CSMD1: variants seen among roughly 807,000 people sequenced by gnomAD.
The protein encoded by CSMD1 is CUB and Sushi multiple domains 1.
Under a neutral mutation model 417.5 loss-of-function variants are expected in CSMD1, and 213 were observed. The ratio of observed to expected loss-of-function variants is 0.51; its 90% CI spans 0.46 to 0.57. The LOEUF (loss-of-function observed/expected upper bound fraction) is 0.57, where lower values mean the gene tolerates loss of function less well. Among genes scored for constraint, CSMD1 ranks in the 20% least tolerant of loss-of-function variants. The pLI is 0.00. For synonymous variants in CSMD1, 2,862 were observed against 1,736.8 expected, an observed-to-expected ratio of 1.65 and a Z score of -16.11; for missense variants, 6,923 against 4,529.7, an observed-to-expected ratio of 1.53 and a Z score of -15.17.
At chr8:3,792,606 A>G (rs1378807185) in intron 5 of CSMD1, among the ~76,000 whole-genome samples, 1 of 152,104 alleles carries the variant, frequency 6.6e-6, no homozygotes, top group African/African-American at 2.4e-5. Context: ...TCTTCCTTTC[A>G]CCCTCAGACA....
Position 2,962,587 on chromosome 8 carries a change from T to A in CSMD1, c.9507A>T (p.Lys3169Asn), listed in dbSNP as rs755362887. ...AGACTTCGGACTTATAGGTGAAACT[T>A]TTCCCACTAAGTCGCCCTTCTGCGG... ...GIPAEGRLSG[K>N]SFTYKSEVFF... The change falls in exon 61 of 70, where the codon AAA becomes AAT. Residue 3169 changes from lysine (K) to asparagine (N), a missense_variant. Lys to Asn is a moderately conservative substitution (Grantham distance 94, BLOSUM62 0). Transcript: ENST00000635120. The A allele has an allele frequency of 6.2e-7, 1 of 1,613,890 alleles. No individual in the cohort carries two copies. The highest frequency in any genetic ancestry group is 8.5e-7 in the Non-Finnish European group (1 of 1,179,836).
At chr8:3,926,084 C>CACACACACACACACACACAAACACCAT (rs1809669242) in intron 5 of CSMD1, among the ~76,000 whole-genome samples, 2 of 9,678 alleles carry the variant, frequency 2.1e-4, no homozygotes, top group Non-Finnish European at 3.7e-4. Flanking sequence ...AAACACCATA[C>CACACACACACACACACACAAACACCAT]ACACACACAC....
At chr8:3,526,856 A>T (rs185869489) in intron 10 of CSMD1, among the ~76,000 whole-genome samples, 12 of 152,148 alleles carry the variant, frequency 7.9e-5, no homozygotes, top group Non-Finnish European at 1.6e-4. Flanking sequence ...TTACCCAATC[A>T]TCATTTTCTT....
intron 1 of CSMD1, among the ~76,000 whole-genome samples, chr8:4,966,781 A>G (rs1809889909): frequency 6.6e-6 from 1 of 152,222 alleles, no homozygotes; most frequent in Non-Finnish European, 1.5e-5. Context: ...TAACTCAGAT[A>G]TACTCGAACT....
rs576083622 is a variant in CSMD1 at position 4,021,346 on chromosome 8, G to A, written c.610+10559C>T. Among the ~76,000 whole-genome samples the A allele has an allele frequency of 3.3e-5, 5 of 152,318 alleles. No individual in the cohort carries two copies. In the South Asian group the frequency reaches 8.3e-4, roughly 25 times the overall value. On this transcript the variant is annotated intron_variant, in intron 4 of 69. Coordinates refer to ENST00000635120, the MANE Select transcript of CSMD1 (RefSeq NM_033225.6). Reference sequence around the variant, plus strand: ...TTAAAGTTTATTTCACTTGTTTCATGTCACATTTTCCGTGTCGCATCTGGG... The same window carrying A: ...TTAAAGTTTATTTCACTTGTTTCATATCACATTTTCCGTGTCGCATCTGGG...
intron 11 of CSMD1, 100 bp downstream of exon 11, chr8:3,493,523 A>C: frequency 1.0e-6 from 1 of 964,422 alleles, no homozygotes; most frequent in South Asian, 1.6e-5. Flanking sequence ...CTAAGCAAAC[A>C]CCTGAGGCCG....
At chr8:3,202,611 T>C (rs1797047883) in intron 31 of CSMD1, among the ~76,000 whole-genome samples, 1 of 152,232 alleles carries the variant, frequency 6.6e-6, no homozygotes, top group African/African-American at 2.4e-5. Flanking sequence ...TCTTATTTAT[T>C]GTAAGATTTG....
intron 1 of CSMD1, among the ~76,000 whole-genome samples, chr8:4,872,624 A>G (rs1476705555): frequency 6.6e-6 from 1 of 152,122 alleles, no homozygotes; most frequent in East Asian, 1.9e-4. Context: ...AGTTCTTTAC[A>G]GTGGTATGAA....
At chr8:3,744,966 C>G (rs541598191) in intron 6 of CSMD1, among the ~76,000 whole-genome samples, 2 of 152,098 alleles carry the variant, frequency 1.3e-5, no homozygotes, top group South Asian at 4.1e-4. Context: ...GGGCTGAGGC[C>G]TTTTGTAGTA....
intron 5 of CSMD1, among the ~76,000 whole-genome samples, chr8:3,829,442 G>A (rs373344988): frequency 6.6e-6 from 1 of 152,136 alleles, no homozygotes; most frequent in East Asian, 1.9e-4. Context: ...GGTTCCACAT[G>A]AATTCAGGTT....
At chr8:4,769,093 G>C (rs920296861) in intron 1 of CSMD1, among the ~76,000 whole-genome samples, 3 of 152,216 alleles carry the variant, frequency 2.0e-5, no homozygotes, top group Admixed American at 6.5e-5. Flanking sequence ...GGGGCTTGCA[G>C]ATGGACAGAT....
chr8:4,370,338 A>G (rs1802325532), intron 3 of CSMD1, among the ~76,000 whole-genome samples: 1 of 152,104 alleles, frequency 6.6e-6, no homozygotes, highest in African/African-American at 2.4e-5. Context: ...TCCCTTTGTA[A>G]GTGACCTGCT....
At position 4,725,370 on chromosome 8, in the gene CSMD1, A is replaced by G. The variant is rs77591102; in HGVS notation, c.86-87812T>C. Among the ~76,000 whole-genome samples, 626 of 152,300 alleles carry G rather than the reference A, an allele frequency of 4.1e-3. 33 individuals are homozygous for G. The East Asian group carries it at 0.087, about 21-fold the overall frequency. ...GTCCTAGCAAAATTAATTACATAAT[A>G]GTAATGTTGTTTTGCTTGTGAAAGC... On this transcript the variant is annotated intron_variant, in intron 1 of 69. Transcript: ENST00000635120.
intron 3 of CSMD1, among the ~76,000 whole-genome samples, chr8:4,265,178 T>A (rs1488497595): frequency 6.6e-6 from 1 of 152,120 alleles, no homozygotes; most frequent in African/African-American, 2.4e-5. Flanking sequence ...GTGGAACCTG[T>A]TTCAAAAGTA....
chr8:4,157,491 G>A (rs747047883), intron 3 of CSMD1, among the ~76,000 whole-genome samples: 1 of 151,670 alleles, frequency 6.6e-6, no homozygotes, highest in Non-Finnish European at 1.5e-5. Flanking sequence ...CTTCTGACTA[G>A]CGGAGAAAGA....
At chr8:4,387,066 G>A (rs901839345) in intron 3 of CSMD1, among the ~76,000 whole-genome samples, 1 of 152,088 alleles carries the variant, frequency 6.6e-6, no homozygotes, top group South Asian at 2.1e-4. Flanking sequence ...ACATAAAACG[G>A]ATGCACAGAA....
chr8:3,206,404 G>T (rs988724228), intron 30 of CSMD1, among the ~76,000 whole-genome samples: 1 of 114,436 alleles, frequency 8.7e-6, no homozygotes, highest in Non-Finnish European at 1.7e-5. Context: ...TGTGTGGGGG[G>T]TTATGTCTGT....
intron 1 of CSMD1, among the ~76,000 whole-genome samples, chr8:4,931,853 T>C (rs1807271067): frequency 6.6e-6 from 1 of 152,212 alleles, no homozygotes; most frequent in African/African-American, 2.4e-5. Flanking sequence ...TTTTAGGGGA[T>C]TTTCAAAACT....
chr8:2,957,846 G>C, intron 62 of CSMD1, 39 bp from the exon 63 acceptor site: 2 of 1,373,978 alleles, frequency 1.5e-6, no homozygotes, highest in Non-Finnish European at 2.0e-6. Flanking sequence ...GAGGCCAAGG[G>C]AATATACGAA....
Sources: allele counts gnomAD v4.1 joint callset (sites outside exome capture counted in the v4.1 genomes callset), GRCh38; gene constraint gnomAD v4.1.1; transcripts MANE v1.5; gene names NCBI Gene and HGNC (gene_info 2026-07-23, HGNC 2026-07-21).